Variants in CDH4 observed in about 807,000 individuals in gnomAD.
CDH4 encodes the protein cadherin 4.
Under a neutral mutation model 86.0 loss-of-function variants are expected in CDH4, and 33 were observed. That is an observed-to-expected ratio of 0.38 (90% CI 0.29 to 0.51). The LOEUF is 0.51. CDH4 is among the 20% of genes least tolerant of loss of function. The probability of loss-of-function intolerance (pLI) is 0.86; values close to 1 mark genes in which losing one functional copy is unlikely to be tolerated. For synonymous variants in CDH4, 555 were observed against 549.4 expected (o/e 1.01, Z -0.14); for missense variants, 1,114 against 1,307.4 (o/e 0.85, Z 2.28).
chr20:61,394,810 A>ATAT lies in CDH4; in HGVS notation c.169+139873_169+139874insTAT, dbSNP rs552063459. On this transcript the variant is annotated intron_variant, in intron 2 of 15. Transcript: ENST00000614565. ...AACTTCGTACTTTCAAAAAAACATA[A>ATAT]AACACTCTACGAGCCCAACAGAAGG... Among the ~76,000 whole-genome samples the ATAT allele has an allele frequency of 6.8e-5, 10 of 147,864 alleles. No individual in the cohort carries two copies. The East Asian group carries it at 2.0e-3, about 30-fold the overall frequency.
intron 2 of CDH4, among the ~76,000 whole-genome samples, chr20:61,468,867 T>C (rs1372357127): frequency 1.3e-5 from 2 of 152,198 alleles, no homozygotes; most frequent in East Asian, 3.8e-4. Context: ...GTTCTATCCA[T>C]CTTATTTCAG....
intron 2 of CDH4, among the ~76,000 whole-genome samples, chr20:61,360,202 G>A (rs1014154564): frequency 6.6e-6 from 1 of 152,228 alleles, no homozygotes; most frequent in Admixed American, 6.5e-5. Context: ...TGTCCTGGGT[G>A]TGCAGATCTG....
rs1448320066 is a variant in CDH4, at chr20:61,903,366, T to C, written c.1189-7056T>C. ...TTCAAGATCAGCCTGGCCAACATGG[T>C]GAAACCCCGTCTCTACAAAAATACA... is the stretch of plus-strand genomic sequence containing the variant. On this transcript the variant is annotated intron_variant, in intron 8 of 15. Transcript: ENST00000614565. 5.3e-5 allele frequency among the ~76,000 whole-genome samples: 8 copies of C among 152,032 alleles called. No individual in the cohort carries two copies. In the South Asian group the frequency reaches 1.5e-3, roughly 28 times the overall value.
chr20:61,639,051 A>G (rs2086978094), intron 2 of CDH4, among the ~76,000 whole-genome samples: 1 of 152,254 alleles, frequency 6.6e-6, no homozygotes, highest in South Asian at 2.1e-4. Flanking sequence ...TGCCGGTAGA[A>G]TGAATGAACA....
intron 11 of CDH4, among the ~76,000 whole-genome samples, chr20:61,926,201 G>A (rs2055042850): frequency 6.6e-6 from 1 of 152,230 alleles, no homozygotes; most frequent in Non-Finnish European, 1.5e-5. Context: ...CTGAGGAGCT[G>A]CCCTTGGGAC....
intron 3 of CDH4, among the ~76,000 whole-genome samples, chr20:61,759,741 G>A (rs2088609936): frequency 6.6e-6 from 1 of 152,046 alleles, no homozygotes; most frequent in South Asian, 2.1e-4. Context: ...TAATTTTCCT[G>A]ATTCTCTAGA....
At chr20:61,521,769 T>C (rs1223982868) in intron 2 of CDH4, among the ~76,000 whole-genome samples, 1 of 140,262 alleles carries the variant, frequency 7.1e-6, no homozygotes. Flanking sequence ...GGATCTCTGG[T>C]TCGTGAGCCC....
chr20:61,412,156 G>C (rs1184021333), intron 2 of CDH4, among the ~76,000 whole-genome samples: 1 of 152,232 alleles, frequency 6.6e-6, no homozygotes, highest in East Asian at 1.9e-4. Flanking sequence ...GATCATGGTG[G>C]GTAGAGCAGG....
chr20:61,310,233 C>T (rs556204647), intron 2 of CDH4, among the ~76,000 whole-genome samples: 2 of 152,190 alleles, frequency 1.3e-5, no homozygotes, highest in Admixed American at 6.5e-5. Context: ...GATGGGGGTT[C>T]GTCTTGCACA....
At chr20:61,281,439 C>G (rs867171280) in intron 2 of CDH4, among the ~76,000 whole-genome samples, 1 of 152,224 alleles carries the variant, frequency 6.6e-6, no homozygotes, top group Non-Finnish European at 1.5e-5. Flanking sequence ...TCACCAGACA[C>G]GGAACCTGCC....
intron 2 of CDH4, among the ~76,000 whole-genome samples, chr20:61,475,967 C>T (rs1308285917): frequency 1.3e-5 from 2 of 152,036 alleles, no homozygotes; most frequent in Non-Finnish European, 2.9e-5. Flanking sequence ...TCAGGAATGT[C>T]ACAAGTTCTA....
chr20:61,425,391 G>A (rs2085206847), intron 2 of CDH4, among the ~76,000 whole-genome samples: 2 of 152,196 alleles, frequency 1.3e-5, no homozygotes, highest in Admixed American at 6.5e-5. Context: ...CAGAGGCAGC[G>A]GTGGAGGGGC....
intron 4 of CDH4, among the ~76,000 whole-genome samples, chr20:61,826,577 A>G (rs567235660): frequency 1.3e-5 from 2 of 152,248 alleles, no homozygotes; most frequent in Non-Finnish European, 2.9e-5. Context: ...GGTGGTTTCA[A>G]GAATAACACA....
At chr20:61,835,399 A>G (rs890102726) in intron 4 of CDH4, among the ~76,000 whole-genome samples, 11 of 152,228 alleles carry the variant, frequency 7.2e-5, no homozygotes, top group African/African-American at 2.2e-4. Context: ...GCTGGCCATG[A>G]CAAGGGCTAG....
chr20:61,322,302 G>T (rs1219672247), intron 2 of CDH4, among the ~76,000 whole-genome samples: 2 of 152,184 alleles, frequency 1.3e-5, no homozygotes, highest in Admixed American at 1.3e-4. Flanking sequence ...TGCACCTGAG[G>T]CTTCGCCTGG....
At chr20:61,274,552 C>T (rs1202131150) in intron 2 of CDH4, among the ~76,000 whole-genome samples, 3 of 118,406 alleles carry the variant, frequency 2.5e-5, no homozygotes, top group African/African-American at 6.9e-5. Context: ...CCATGTGCAA[C>T]TTGGGGGAGT....
chr20:61,464,373 G>T (rs1465471918), intron 2 of CDH4, among the ~76,000 whole-genome samples: 1 of 152,190 alleles, frequency 6.6e-6, no homozygotes, highest in Non-Finnish European at 1.5e-5. Context: ...TTTGGAGTCT[G>T]TTCTAGGCTA....
At chr20:61,476,047 C>CT (rs1568858556) in intron 2 of CDH4, among the ~76,000 whole-genome samples, 1 of 152,120 alleles carries the variant, frequency 6.6e-6, no homozygotes, top group African/African-American at 2.4e-5. Flanking sequence ...TCCTATTGGA[C>CT]GCACAGGAAT....
At chr20:61,827,902 A>G (rs554681948) in intron 4 of CDH4, among the ~76,000 whole-genome samples, 1 of 152,240 alleles carries the variant, frequency 6.6e-6, no homozygotes, top group Non-Finnish European at 1.5e-5. Flanking sequence ...TAGATCTAGT[A>G]GGTTAGATTC....
Sources: gnomAD v4.1 joint callset for allele counts (sites outside exome capture counted in the v4.1 genomes callset) on GRCh38, gnomAD v4.1.1 for gene constraint, MANE v1.5 for transcripts, NCBI Gene and HGNC (gene_info 2026-07-23, HGNC 2026-07-21) for gene names.